The following NRXN1 variants were observed in gnomAD, a reference collection of about 807,000 sequenced individuals.
NRXN1 encodes neurexin 1.
A neutral mutation model predicts 150.9 loss-of-function variants in NRXN1; 39 were observed. The observed-to-expected ratio is 0.26, with a 90% CI of 0.20 to 0.34. NRXN1 has a LOEUF of 0.34. Ranked by LOEUF, NRXN1 falls within the 10% of genes least tolerant of loss-of-function variation. The probability of loss-of-function intolerance (pLI) is 1.00; values close to 1 mark genes in which losing one functional copy is unlikely to be tolerated. For missense variants in NRXN1, 1,815 were observed against 1,949.9 expected, an observed-to-expected ratio of 0.93 and a Z score of 1.30; for synonymous variants, 924 against 757.0, an observed-to-expected ratio of 1.22 and a Z score of -3.62.
chr2:51,028,117 C>A lies in NRXN1; in HGVS notation c.157G>T (p.Glu53Ter). The change falls in exon 2 of 23, where the codon GAG becomes TAG. Residue 53 changes from glutamate (E) to a stop codon, truncating the protein, a stop_gained. Transcript: ENST00000401669. LOFTEE classifies it high-confidence loss of function. ...FPKWNACCES[E>*]MSFQLKTRSA... is the part of the protein sequence containing the mutation. ...CGAGTCTTGAGCTGGAAGCTCATCT[C>A]GCTCTCGCAGCAGGCGTTCCACTTG... The A allele has an allele frequency of 6.4e-7, 1 of 1,574,028 alleles. No homozygotes were observed. The highest frequency in any genetic ancestry group is 8.6e-7 in the Non-Finnish European group (1 of 1,162,736).
At chr2:50,431,691 A>G (rs1572947040) in intron 17 of NRXN1, among the ~76,000 whole-genome samples, 2 of 152,312 alleles carry the variant, frequency 1.3e-5, no homozygotes, top group Admixed American at 1.3e-4. Context: ...TCTTTTACCT[A>G]TTGTCCACGG....
chr2:50,516,030 T>A (rs1470260539), intron 12 of NRXN1, among the ~76,000 whole-genome samples: 3 of 152,188 alleles, frequency 2.0e-5, no homozygotes, highest in Admixed American at 6.5e-5. Context: ...AGGTTTCTAT[T>A]TTATCCTTCT....
At chr2:50,166,798 T>C (rs2059714639) in intron 18 of NRXN1, among the ~76,000 whole-genome samples, 1 of 152,168 alleles carries the variant, frequency 6.6e-6, no homozygotes, top group Non-Finnish European at 1.5e-5. Context: ...TGAAGAATTT[T>C]GAATCCTTAT....
intron 9 of NRXN1, among the ~76,000 whole-genome samples, chr2:50,544,623 G>T (rs543235424): frequency 6.6e-6 from 1 of 152,134 alleles, no homozygotes; most frequent in South Asian, 2.1e-4. Flanking sequence ...AAGAATAAGG[G>T]GGAAAGGGCA....
chr2:50,113,960 G>C (rs1035624998), intron 18 of NRXN1, among the ~76,000 whole-genome samples: 3 of 152,058 alleles, frequency 2.0e-5, no homozygotes, highest in African/African-American at 7.2e-5. Flanking sequence ...AACAAACTAA[G>C]GGTCTGTTCC....
chr2:50,202,591 A>G (rs562435407), intron 18 of NRXN1, among the ~76,000 whole-genome samples: 2 of 152,218 alleles, frequency 1.3e-5, no homozygotes, highest in African/African-American at 4.8e-5. Context: ...AAGAAAAGGA[A>G]CTATTGACTT....
chr2:49,991,725 G>A (rs1681998184), intron 21 of NRXN1, among the ~76,000 whole-genome samples: 1 of 152,120 alleles, frequency 6.6e-6, no homozygotes, highest in African/African-American at 2.4e-5. Context: ...TTATTTTGTG[G>A]ATGTTGACAA....
intron 2 of NRXN1, among the ~76,000 whole-genome samples, chr2:51,003,958 C>T (rs1700380845): frequency 6.6e-6 from 1 of 151,734 alleles, no homozygotes; most frequent in Non-Finnish European, 1.5e-5. Flanking sequence ...TGCAGAAAAC[C>T]GGTTTTACTA....
intron 9 of NRXN1, among the ~76,000 whole-genome samples, chr2:50,539,986 G>A (rs925282643): frequency 1.3e-5 from 2 of 152,288 alleles, no homozygotes; most frequent in East Asian, 3.9e-4. Context: ...TGTGGGCCCT[G>A]ATGTGCCCAG....
At chr2:50,369,759 T>A (rs1218323497) in intron 17 of NRXN1, among the ~76,000 whole-genome samples, 1 of 151,952 alleles carries the variant, frequency 6.6e-6, no homozygotes, top group Non-Finnish European at 1.5e-5. Flanking sequence ...ATCGAAGTAA[T>A]GATCAGTGTC....
rs200865985 is a variant in NRXN1 at position 51,032,054 on chromosome 2, A to G, written c.-995T>C. 5.8e-4 allele frequency: 89 copies of G among 152,410 alleles called. 1 individual carries two copies. The highest frequency in any genetic ancestry group is 1.2e-3 in the Non-Finnish European group (81 of 68,136). The allele number at this position is 152,410 out of a possible 1,614,324, so 9.4% of individuals were successfully genotyped here. A position where few individuals can be genotyped will look rare whatever the true frequency, so the allele number is the denominator to read the frequency against. The stretch of plus-strand genomic sequence containing the variant: ...GGTCAAAGCGAATTTCCTGAGGTCT[A>G]TGGATAAGGCGACTGCTGCTGCCTT... On this transcript the variant is annotated 5_prime_UTR_variant, in exon 1 of 23. Transcript: ENST00000401669.
At chr2:50,571,192 T>C (rs1490292872) in intron 8 of NRXN1, among the ~76,000 whole-genome samples, 1 of 152,136 alleles carries the variant, frequency 6.6e-6, no homozygotes, top group Admixed American at 6.6e-5. Flanking sequence ...TAATGCAATA[T>C]AAAATGTTTC....
chr2:50,878,736 C>T (rs1678984986), intron 5 of NRXN1, among the ~76,000 whole-genome samples: 1 of 151,918 alleles, frequency 6.6e-6, no homozygotes, highest in Non-Finnish European at 1.5e-5. Context: ...CAGAACCTTT[C>T]ATCAGATGTA....
chr2:50,573,312 G>A (rs1010662101), intron 8 of NRXN1, among the ~76,000 whole-genome samples: 5 of 151,752 alleles, frequency 3.3e-5, no homozygotes, highest in Admixed American at 6.6e-5. Context: ...GCAATGAACC[G>A]TAACTGCACC....
intron 5 of NRXN1, among the ~76,000 whole-genome samples, chr2:50,654,017 A>T: frequency 8.0e-6 from 1 of 124,316 alleles, no homozygotes; most frequent in South Asian, 2.5e-4. Context: ...CCATTTATGC[A>T]TTTATTCATT....
chr2:50,697,240 T>C (rs1445022792), intron 5 of NRXN1, among the ~76,000 whole-genome samples: 1 of 152,192 alleles, frequency 6.6e-6, no homozygotes, highest in Non-Finnish European at 1.5e-5. Flanking sequence ...TTAGTCTTCA[T>C]TTTGAATATA....
chr2:50,773,773 T>C (rs1189274279), intron 5 of NRXN1, among the ~76,000 whole-genome samples: 1 of 152,118 alleles, frequency 6.6e-6, no homozygotes, highest in Non-Finnish European at 1.5e-5. Flanking sequence ...TGTTCTAAAC[T>C]GAGGTGTGCT....
intron 17 of NRXN1, among the ~76,000 whole-genome samples, chr2:50,355,423 T>C (rs905666620): frequency 6.6e-5 from 10 of 152,022 alleles, no homozygotes; most frequent in Non-Finnish European, 1.5e-5. Context: ...TAGCATGTTA[T>C]ATTAAGCCCT....
chr2:50,380,301 T>C, intron 17 of NRXN1, among the ~76,000 whole-genome samples: 1 of 151,964 alleles, frequency 6.6e-6, no homozygotes, highest in Non-Finnish European at 1.5e-5. Context: ...TGTGTGCGTG[T>C]GTGTGTGTAT....
Sources: gnomAD v4.1 joint callset for allele counts (sites outside exome capture counted in the v4.1 genomes callset) on GRCh38, gnomAD v4.1.1 for gene constraint, MANE v1.5 for transcripts, NCBI Gene and HGNC (gene_info 2026-07-23, HGNC 2026-07-21) for gene names.